The following NDRG2 variants were observed in gnomAD, a reference collection of about 807,000 sequenced individuals.
The protein encoded by NDRG2 is protein NDRG2.
In NDRG2, 34 loss-of-function variants were observed where a neutral mutation model predicts 58.2. The ratio of observed to expected loss-of-function variants is 0.58; its 90% CI spans 0.44 to 0.78. The LOEUF is 0.78. NDRG2 is among the 30% of genes least tolerant of loss of function. NDRG2 has a pLI of 0.00. For synonymous variants in NDRG2, 187 were observed against 175.9 expected (o/e 1.06, Z -0.50); for missense variants, 434 against 471.2 (o/e 0.92, Z 0.73).
At chr14:21,031,596 G>A (rs1316016116) in intron 1 of NDRG2, among the ~76,000 whole-genome samples, 1 of 152,040 alleles carries the variant, frequency 6.6e-6, no homozygotes, top group Non-Finnish European at 1.5e-5. Context: ...GGGAGTGGGA[G>A]TGAAGTCCTC....
chr14:21,023,964 G>C (rs888936518), intron 1 of NDRG2, 66 bp downstream of exon 1: 10 of 986,638 alleles, frequency 1.0e-5, no homozygotes, highest in Non-Finnish European at 1.1e-5. Context: ...TAGTGGGTGA[G>C]GAGCAGAGCA....
At chr14:21,049,828 G>A (rs975458838) in intron 1 of NDRG2, among the ~76,000 whole-genome samples, 5 of 150,254 alleles carry the variant, frequency 3.3e-5, no homozygotes, top group East Asian at 2.0e-4. Context: ...GCAGTGGCAC[G>A]ATCTCGACTC....
At chr14:21,033,093 C>T (rs1208376701) in intron 1 of NDRG2, 3 of 414,196 alleles carry the variant, frequency 7.2e-6, no homozygotes, top group East Asian at 7.1e-5. Flanking sequence ...AGAGAAGATA[C>T]CTTGAAATGC....
intron 1 of NDRG2, among the ~76,000 whole-genome samples, chr14:21,034,958 T>G (rs1884522070): frequency 1.3e-5 from 2 of 152,214 alleles, no homozygotes; most frequent in Non-Finnish European, 2.9e-5. Flanking sequence ...TTCTTTGATG[T>G]TTTCTCTGTT....
chr14:21,033,631 G>C, intron 1 of NDRG2: 1 of 607,322 alleles, frequency 1.6e-6, no homozygotes. Flanking sequence ...AAGCTGGAAA[G>C]AACCTAGAAG....
At chr14:21,069,311 T>C (rs954560126) in intron 1 of NDRG2, among the ~76,000 whole-genome samples, 20 of 152,236 alleles carry the variant, frequency 1.3e-4, no homozygotes, top group African/African-American at 4.8e-4. Flanking sequence ...CCACCCTGCT[T>C]TGTCTCCTGC....
intron 1 of NDRG2, among the ~76,000 whole-genome samples, chr14:21,069,214 C>T (rs190878733): frequency 8.3e-4 from 126 of 152,358 alleles, no homozygotes; most frequent in Admixed American, 6.6e-3. Flanking sequence ...GGGAGACCCC[C>T]CATCTGGCCT....
chr14:21,049,461 A>C (rs997583658), intron 1 of NDRG2, among the ~76,000 whole-genome samples: 1 of 152,224 alleles, frequency 6.6e-6, no homozygotes, highest in Non-Finnish European at 1.5e-5. Context: ...GGTGTGAATT[A>C]GTACAAATTC....
intron 1 of NDRG2, chr14:21,035,973 G>C (rs1217708685): frequency 1.0e-5 from 4 of 388,324 alleles, no homozygotes; most frequent in Non-Finnish European, 2.0e-5. Flanking sequence ...ATCTGTTTAC[G>C]AAACCACTGA....
At chr14:21,048,840 G>A (rs1194382427) in intron 1 of NDRG2, among the ~76,000 whole-genome samples, 2 of 152,148 alleles carry the variant, frequency 1.3e-5, no homozygotes, top group Non-Finnish European at 2.9e-5. Context: ...CTCCTCATCC[G>A]CCTCTTGCCA....
chr14:21,066,325 GTTT>G, intron 1 of NDRG2, among the ~76,000 whole-genome samples: 1 of 142,576 alleles, frequency 7.0e-6, no homozygotes, highest in East Asian at 2.0e-4. Context: ...TGTTTTTTTT[GTTT>G]TTTTTTTTTG....
chr14:21,017,590 G>A lies in NDRG2; in HGVS notation c.*6C>T. 6.2e-7 allele frequency: 1 copy of A among 1,612,598 alleles called. No individual in the cohort carries two copies. On this transcript the variant is annotated 3_prime_UTR_variant, in exon 16 of 16. Transcript: ENST00000556147. ...CTGGGTCCCACTCTAGGGCAACAAG[G>A]GCCATTCAACAGGAGACCTCCATGG... is the stretch of plus-strand genomic sequence containing the variant.
chr14:21,042,116 G>A (rs1884925052), intron 1 of NDRG2: 2 of 152,252 alleles, frequency 1.3e-5, no homozygotes, highest in African/African-American at 2.4e-5. Context: ...CTATTAAAGA[G>A]TCATTAAAAT....
chr14:21,043,246 C>T, intron 1 of NDRG2: 2 of 1,614,210 alleles, frequency 1.2e-6, no homozygotes, highest in Non-Finnish European at 1.7e-6. Context: ...ACCTGCCAGA[C>T]CCCCAAAATA....
At chr14:21,035,523 T>C (rs999091638) in intron 1 of NDRG2, among the ~76,000 whole-genome samples, 5 of 152,212 alleles carry the variant, frequency 3.3e-5, no homozygotes, top group Non-Finnish European at 5.9e-5. Context: ...GCCTTGTTAG[T>C]CTGCAAGGTG....
chr14:21,044,134 G>A (rs1422696432), intron 1 of NDRG2: 2 of 167,216 alleles, frequency 1.2e-5, no homozygotes, highest in African/African-American at 4.8e-5. Flanking sequence ...ACAGAGGCAA[G>A]CGGTGAACTA....
chr14:21,063,024 G>A (rs1886050422), intron 1 of NDRG2, among the ~76,000 whole-genome samples: 1 of 151,936 alleles, frequency 6.6e-6, no homozygotes, highest in Non-Finnish European at 1.5e-5. Context: ...CAGCTACTGG[G>A]GATGCTGAAG....
intron 12 of NDRG2, 54 bp downstream of exon 12, chr14:21,018,696 ACTCTTCTGACCAC>A: frequency 6.2e-7 from 1 of 1,608,350 alleles, no homozygotes; most frequent in Non-Finnish European, 8.5e-7. Context: ...TTGGCAAGAT[ACTCTTCTGACCAC>A]CACTTTAGGA....
intron 2 of NDRG2, 168 bp from the exon 3 acceptor site, chr14:21,023,073 G>A (rs569688610): frequency 7.5e-5 from 71 of 952,866 alleles, no homozygotes; most frequent in African/African-American, 1.1e-4. Context: ...GTGTAGTGAC[G>A]AGACAAGGGC....
Sources: gnomAD v4.1 joint callset for allele counts (sites outside exome capture counted in the v4.1 genomes callset) on GRCh38, gnomAD v4.1.1 for gene constraint, MANE v1.5 for transcripts, NCBI Gene and HGNC (gene_info 2026-07-23, HGNC 2026-07-21) for gene names.